Variants in FMN1 observed in about 807,000 individuals in gnomAD.
FMN1 encodes formin-1.
A neutral mutation model predicts 132.4 loss-of-function variants in FMN1; 110 were observed. The observed-to-expected ratio is 0.83, with a 90% CI of 0.71 to 0.97. FMN1 has a LOEUF of 0.97. FMN1 is among the 50% of genes least tolerant of loss of function. FMN1 has a pLI of 0.00. For missense variants in FMN1, 1,792 were observed against 1,705.3 expected (o/e 1.05, Z -0.90); for synonymous variants, 722 against 651.7 (o/e 1.11, Z -1.64).
chr15:32,965,813 A>G (rs1366553441), intron 8 of FMN1, among the ~76,000 whole-genome samples: 1 of 152,252 alleles, frequency 6.6e-6, no homozygotes, highest in Non-Finnish European at 1.5e-5. Flanking sequence ...GTATAACAAT[A>G]GAATGAACAC....
At chr15:33,017,586 A>G (rs2035131859) in intron 6 of FMN1, among the ~76,000 whole-genome samples, 1 of 152,234 alleles carries the variant, frequency 6.6e-6, no homozygotes, top group African/African-American at 2.4e-5. Context: ...AAAATATTGG[A>G]CAATAACTGG....
intron 4 of FMN1, among the ~76,000 whole-genome samples, chr15:33,093,051 A>G (rs2038958005): frequency 6.6e-6 from 1 of 152,262 alleles, no homozygotes; most frequent in African/African-American, 2.4e-5. Flanking sequence ...AAGTCTGTGA[A>G]CATACTATAT....
At chr15:32,918,189 T>C (rs1387609591) in intron 10 of FMN1, among the ~76,000 whole-genome samples, 3 of 152,076 alleles carry the variant, frequency 2.0e-5, no homozygotes, top group African/African-American at 4.8e-5. Context: ...TAAAGTCTAA[T>C]TTTCTTGAGT....
At position 32,905,501 on chromosome 15, in the gene FMN1, A is replaced by AC. The variant is rs532012268; in HGVS notation, c.3377+2988dup. Among the ~76,000 whole-genome samples the AC allele has an allele frequency of 1.9e-3, 294 of 152,262 alleles. 2 individuals are homozygous for AC. The highest frequency in any genetic ancestry group is 6.8e-3 in the African/African-American group (283 of 41,544). On this transcript the variant is annotated intron_variant, in intron 12 of 20. Coordinates refer to ENST00000616417, the MANE Select transcript of FMN1 (RefSeq NM_001277313.2). ...GCCTAATCAAACCCAGTAGAGCCTC[A>AC]CCTCACAACCATTACCCGGCAGCAT...
At chr15:32,986,136 A>G (rs1311328727) in intron 7 of FMN1, among the ~76,000 whole-genome samples, 2 of 152,142 alleles carry the variant, frequency 1.3e-5, no homozygotes, top group Non-Finnish European at 2.9e-5. Flanking sequence ...TCCTGTATAC[A>G]GGCAATTAAG....
intron 17 of FMN1, among the ~76,000 whole-genome samples, chr15:32,832,406 T>G (rs1057180056): frequency 6.6e-6 from 1 of 152,194 alleles, no homozygotes; most frequent in Non-Finnish European, 1.5e-5. Flanking sequence ...CTTCCCTAAT[T>G]TTTCTTCACA....
chr15:32,979,829 T>C (rs1401252069), intron 7 of FMN1, among the ~76,000 whole-genome samples: 1 of 152,196 alleles, frequency 6.6e-6, no homozygotes, highest in Non-Finnish European at 1.5e-5. Flanking sequence ...ATGAGCAGAA[T>C]GCTACTCCAA....
At chr15:32,868,219 C>T (rs117382859) in intron 16 of FMN1, among the ~76,000 whole-genome samples, 1 of 152,150 alleles carries the variant, frequency 6.6e-6, no homozygotes, top group Non-Finnish European at 1.5e-5. Flanking sequence ...TAGAGCAAGG[C>T]ATTACCTTTC....
At chr15:33,122,169 T>C (rs548768888) in intron 4 of FMN1, among the ~76,000 whole-genome samples, 6 of 152,230 alleles carry the variant, frequency 3.9e-5, no homozygotes, top group African/African-American at 7.2e-5. Flanking sequence ...TTAAGTGCAA[T>C]GTTCTTAGGT....
intron 7 of FMN1, among the ~76,000 whole-genome samples, chr15:32,999,630 T>G (rs903282961): frequency 1.3e-5 from 2 of 152,178 alleles, no homozygotes; most frequent in African/African-American, 4.8e-5. Context: ...TCCCCTCAAT[T>G]AGGAAATATG....
At chr15:33,035,156 T>C (rs551082389) in intron 6 of FMN1, among the ~76,000 whole-genome samples, 1 of 152,202 alleles carries the variant, frequency 6.6e-6, no homozygotes, top group African/African-American at 2.4e-5. Context: ...TATTATCACA[T>C]TAAATAACAG....
rs149654062 is a variant in FMN1 at position 33,060,642 on chromosome 15, A to C, written c.2161+4315T>G. On this transcript the variant is annotated intron_variant, in intron 6 of 20. Transcript: ENST00000616417. The stretch of plus-strand genomic sequence containing the variant: ...TATGCTAAGTTCTCTTCTCTACAAA[A>C]GCTATGGTCCTCACACTCAGCAGGG... Among the ~76,000 whole-genome samples, 835 of 152,294 alleles carry C rather than the reference A, an allele frequency of 5.5e-3. 10 individuals are homozygous for C. The highest frequency in any genetic ancestry group is 0.019 in the African/African-American group (809 of 41,560).
At chr15:32,888,374 A>C (rs2059944350) in intron 15 of FMN1, 82 bp from the exon 16 acceptor site, 2 of 1,344,782 alleles carry the variant, frequency 1.5e-6, no homozygotes, top group Non-Finnish European at 1.0e-6. Context: ...AATGAGAAAA[A>C]AAAAAGCTTT....
At chr15:32,992,620 A>G (rs1438787319) in intron 7 of FMN1, among the ~76,000 whole-genome samples, 1 of 152,214 alleles carries the variant, frequency 6.6e-6, no homozygotes, top group East Asian at 1.9e-4. Flanking sequence ...GTTTAACAAA[A>G]AGACATGCAG....
intron 7 of FMN1, among the ~76,000 whole-genome samples, chr15:32,991,568 G>C (rs985771909): frequency 7.9e-5 from 12 of 152,022 alleles, no homozygotes; most frequent in African/African-American, 2.9e-4. Context: ...TCCTCTGCAG[G>C]GCTGTCTCTT....
At chr15:32,899,142 G>T (rs939498522) in intron 14 of FMN1, among the ~76,000 whole-genome samples, 2 of 133,008 alleles carry the variant, frequency 1.5e-5, no homozygotes, top group African/African-American at 6.3e-5. Flanking sequence ...CTGAAATAAT[G>T]GCTAAAACAA....
At chr15:33,047,251 T>TAAAA (rs1566863647) in intron 6 of FMN1, among the ~76,000 whole-genome samples, 1 of 152,216 alleles carries the variant, frequency 6.6e-6, no homozygotes, top group African/African-American at 2.4e-5. Flanking sequence ...CCTTTGAAGA[T>TAAAA]TCTAGATTTT....
intron 9 of FMN1, among the ~76,000 whole-genome samples, chr15:32,940,392 TGTGTGTG>T (rs1242738682): frequency 8.0e-5 from 2 of 24,926 alleles, no homozygotes; most frequent in Non-Finnish European, 1.2e-4. Flanking sequence ...AAATAAAAAT[TGTGTGTG>T]TGTGTGTGTG....
At chr15:33,127,414 C>CTGGTA (rs1413939984) in intron 4 of FMN1, among the ~76,000 whole-genome samples, 6 of 152,168 alleles carry the variant, frequency 3.9e-5, no homozygotes, top group African/African-American at 1.4e-4. Context: ...TGGACCAGAA[C>CTGGTA]AACTATTTCC....
Sources: allele counts gnomAD v4.1 joint callset (sites outside exome capture counted in the v4.1 genomes callset), GRCh38; gene constraint gnomAD v4.1.1; transcripts MANE v1.5; gene names NCBI Gene and HGNC (gene_info 2026-07-23, HGNC 2026-07-21).